The following AGAP1 variants were observed in gnomAD, a reference collection of about 807,000 sequenced individuals.
The protein encoded by AGAP1 is ArfGAP with GTPase domain, ankyrin repeat and PH domain 1, also known as arf-GAP with GTPase, ANK repeat and PH domain-containing protein 1.
A neutral mutation model predicts 105.3 loss-of-function variants in AGAP1; 29 were observed. That is an observed-to-expected ratio of 0.28 (90% confidence interval 0.21 to 0.38). The LOEUF (loss-of-function observed/expected upper bound fraction) is 0.38. AGAP1 is among the 10% of genes least tolerant of loss of function. The pLI, the probability that AGAP1 is intolerant of heterozygous loss-of-function variation, is 1.00. For missense variants in AGAP1, 998 were observed against 1,165.1 expected, an observed-to-expected ratio of 0.86 and a Z score of 2.09; for synonymous variants, 509 against 485.9, an observed-to-expected ratio of 1.05 and a Z score of -0.63.
At chr2:235,890,754 G>T (rs867416777) in intron 10 of AGAP1, among the ~76,000 whole-genome samples, 49 of 152,112 alleles carry the variant, frequency 3.2e-4, no homozygotes, top group African/African-American at 1.2e-3. Flanking sequence ...CATGGAGAAC[G>T]AATTCTTTCA....
At chr2:235,812,331 G>A (rs929344199) in intron 9 of AGAP1, among the ~76,000 whole-genome samples, 2 of 152,224 alleles carry the variant, frequency 1.3e-5, no homozygotes, top group Admixed American at 6.5e-5. Context: ...CAAGCCCGCC[G>A]CACCCGCCAT....
intron 13 of AGAP1, among the ~76,000 whole-genome samples, chr2:235,997,382 C>T (rs574248195): frequency 2.0e-5 from 3 of 152,306 alleles, no homozygotes; most frequent in South Asian, 2.1e-4. Context: ...CCACCGTGCC[C>T]AGCCTAATGA....
chr2:235,494,918 G>C lies in AGAP1; in HGVS notation c.163+69G>C, dbSNP rs540665358. ...CCGCGGCGCGGCGGGGGTGTGCGCT[G>C]TGTGCGTGCGGGTGTCCACACACGC... On this transcript the variant is annotated intron_variant, in intron 1 of 17. Transcript: ENST00000304032. The C allele has an allele frequency of 4.8e-6, 7 of 1,450,114 alleles. 1 individual carries two copies. The Admixed American group carries it at 1.3e-4, about 27-fold the overall frequency. The allele number at this position is 1,450,114 out of a possible 1,614,324, so 89.8% of individuals were successfully genotyped here. A position where few individuals can be genotyped will look rare whatever the true frequency, so the allele number is the denominator to read the frequency against.
At chr2:235,607,941 C>CA (rs1407352021) in intron 1 of AGAP1, among the ~76,000 whole-genome samples, 1 of 151,980 alleles carries the variant, frequency 6.6e-6, no homozygotes, top group Non-Finnish European at 1.5e-5. Flanking sequence ...TATGTTAGAC[C>CA]AAAAAAATGC....
At position 235,655,953 on chromosome 2, in the gene AGAP1, G is replaced by GAT. The variant is rs1559318296; in HGVS notation, c.164-53224_164-53223dup. Among the ~76,000 whole-genome samples, 1 of 152,158 alleles carries GAT rather than the reference G, an allele frequency of 6.6e-6. No individual in the cohort carries two copies. Among genetic ancestry groups the GAT allele is most frequent in the Non-Finnish European group, 1.5e-5 (1 of 68,030 alleles). On this transcript the variant is annotated intron_variant, in intron 1 of 17. Coordinates refer to ENST00000304032, the MANE Select transcript of AGAP1 (RefSeq NM_001037131.3). This position sits in a 1 kb window ranked among gnomAD's most constrained non-coding sequence, Gnocchi z 4.3. ...GTGGCAAGGCAGTTGTTGGAGCTCC[G>GAT]ATACTTCCAATAAGTAACTAGCAGG... is the stretch of plus-strand genomic sequence containing the variant.
At chr2:235,871,305 C>G (rs140310561) in intron 9 of AGAP1, among the ~76,000 whole-genome samples, 1 of 152,336 alleles carries the variant, frequency 6.6e-6, no homozygotes, top group East Asian at 1.9e-4. Context: ...CCTCCTCTCT[C>G]TCCTCCCGTA....
chr2:235,560,989 C>CAGA (rs1944131794), intron 1 of AGAP1, among the ~76,000 whole-genome samples: 1 of 152,170 alleles, frequency 6.6e-6, no homozygotes, highest in Non-Finnish European at 1.5e-5. Flanking sequence ...AAATGTTGAC[C>CAGA]AGAATGTCAG....
At position 236,062,263 on chromosome 2, in the gene AGAP1, C is replaced by A. The variant is rs988255669; in HGVS notation, c.2114+12982C>A. On this transcript the variant is annotated intron_variant, in intron 16 of 17. Coordinates refer to ENST00000304032, the MANE Select transcript of AGAP1 (RefSeq NM_001037131.3). The surrounding 1 kb of genome is among the most constrained non-coding windows in gnomAD (Gnocchi z 4.2). ...GCACAGCAAACCAATGCCATTCTTT[C>A]CTTTTCCTGGGCTAGGAAACTCAGG... Among the ~76,000 whole-genome samples the A allele has an allele frequency of 5.3e-5, 8 of 152,124 alleles. No individual in the cohort carries two copies. Among genetic ancestry groups the A allele is most frequent in the Non-Finnish European group, 8.8e-5 (6 of 68,024 alleles).
intron 1 of AGAP1, among the ~76,000 whole-genome samples, chr2:235,687,627 G>A (rs1949521607): frequency 6.6e-6 from 1 of 152,174 alleles, no homozygotes; most frequent in Non-Finnish European, 1.5e-5. Context: ...TTGAAAGATG[G>A]CTTACATGAC....
In AGAP1 at chr2:236,125,489, A is replaced by G. The variant is rs1227546451; in HGVS notation, c.*1367A>G. ...AATTGAGAAAGAAAAAAAAAGACAC[A>G]CTGGAGTATATTAGAAAGGAAAAAG... On this transcript the variant is annotated 3_prime_UTR_variant, in exon 18 of 18. Coordinates refer to ENST00000304032, the MANE Select transcript of AGAP1 (RefSeq NM_001037131.3). This position sits in a 1 kb window ranked among gnomAD's most constrained non-coding sequence, Gnocchi z 5.2. 6.6e-6 allele frequency: 1 copy of G among 152,194 alleles called. No homozygotes were observed. The highest frequency in any genetic ancestry group is 1.5e-5 in the Non-Finnish European group (1 of 68,022). The allele number at this position is 152,194 out of a possible 1,614,324, so 9.4% of individuals were successfully genotyped here.
rs141719574 is a variant in AGAP1, at chr2:235,600,793, G to A, written c.163+105944G>A. Among the ~76,000 whole-genome samples the A allele has an allele frequency of 6.6e-5, 10 of 152,218 alleles. No homozygotes were observed. Among genetic ancestry groups the A allele is most frequent in the African/African-American group, 1.7e-4 (7 of 41,542 alleles). ...AGGGTGGGTCTGCCTTCCCCAGCCC[G>A]TTGACTCAAATGTTAATCTCCTTTG... On this transcript the variant is annotated intron_variant, in intron 1 of 17. Coordinates refer to ENST00000304032, the MANE Select transcript of AGAP1 (RefSeq NM_001037131.3). This position sits in a 1 kb window ranked among gnomAD's most constrained non-coding sequence, Gnocchi z 4.8.
At chr2:235,933,186 C>G (rs1251528366) in intron 12 of AGAP1, among the ~76,000 whole-genome samples, 3 of 152,116 alleles carry the variant, frequency 2.0e-5, no homozygotes, top group Non-Finnish European at 4.4e-5. Context: ...GAAAATCAAA[C>G]TTGAGAAATG....
rs116490417 is a variant in AGAP1 at position 235,945,849 on chromosome 2, A to T, written c.1483+14926A>T. Among the ~76,000 whole-genome samples the T allele has an allele frequency of 3.7e-3, 500 of 134,580 alleles. 2 individuals carry two copies. The highest frequency in any genetic ancestry group is 0.014 in the African/African-American group (478 of 35,222). The allele number at this position is 134,580 out of a possible 152,430, so 88.3% of individuals were successfully genotyped here. ...GGGGTGCCTCGGGAAACTTACCATCATGGCAGAAGGCAGAGGGGGAGCCGG... is the reference window on the plus strand; with the variant it reads ...GGGGTGCCTCGGGAAACTTACCATCTTGGCAGAAGGCAGAGGGGGAGCCGG... On this transcript the variant is annotated intron_variant, in intron 12 of 17. Transcript: ENST00000304032.
rs772369089 is a variant in AGAP1, at chr2:235,574,246, C to T, written c.163+79397C>T. Among the ~76,000 whole-genome samples the T allele has an allele frequency of 3.9e-5, 6 of 152,214 alleles. No individual in the cohort carries two copies. The highest frequency in any genetic ancestry group is 8.8e-5 in the Non-Finnish European group (6 of 68,030). ...GTTGTTTGGATAATCATCCTAAAAA[C>T]GCCTCTGAGATCCACCCCCACTCCT... On this transcript the variant is annotated intron_variant, in intron 1 of 17. Transcript: ENST00000304032. The surrounding 1 kb of genome is among the most constrained non-coding windows in gnomAD (Gnocchi z 5.0).
chr2:235,846,064 A>C (rs1374469439), intron 9 of AGAP1, among the ~76,000 whole-genome samples: 2 of 151,810 alleles, frequency 1.3e-5, no homozygotes, highest in African/African-American at 2.4e-5. Flanking sequence ...CAAACTTCTC[A>C]CCATTGCAGT....
chr2:235,683,856 T>TCCCCC (rs1949229926), intron 1 of AGAP1, among the ~76,000 whole-genome samples: 1 of 145,340 alleles, frequency 6.9e-6, no homozygotes. Flanking sequence ...AAGCCCCCCG[T>TCCCCC]CCCCCGCCCG....
chr2:235,576,955 C>T (rs2149178420), intron 1 of AGAP1, among the ~76,000 whole-genome samples: 1 of 152,302 alleles, frequency 6.6e-6, no homozygotes, highest in Admixed American at 6.5e-5. Context: ...CTCTCTCTGG[C>T]CAGTTCTGCT....
intron 1 of AGAP1, among the ~76,000 whole-genome samples, chr2:235,677,764 T>C (rs1476676443): frequency 6.6e-6 from 1 of 151,958 alleles, no homozygotes; most frequent in Non-Finnish European, 1.5e-5. Flanking sequence ...CGGTGAACAA[T>C]GCCGCCAGCC....
chr2:235,534,013 C>T (rs936683098), intron 1 of AGAP1, among the ~76,000 whole-genome samples: 1 of 152,244 alleles, frequency 6.6e-6, no homozygotes, highest in African/African-American at 2.4e-5. Context: ...GGGAAGCCCC[C>T]TAACCAACAT....
Sources: gnomAD v4.1 joint callset for allele counts (sites outside exome capture counted in the v4.1 genomes callset) on GRCh38, gnomAD v4.1.1 for gene constraint, Gnocchi (gnomAD v3.1) non-coding constraint, MANE v1.5 for transcripts, NCBI Gene and HGNC (gene_info 2026-07-23, HGNC 2026-07-21) for gene names.